PRDM14: variants seen among roughly 807,000 people sequenced by gnomAD.
The protein encoded by PRDM14 is PR/SET domain 14, also known as PR domain zinc finger protein 14.
In PRDM14, 16 loss-of-function variants were observed where a neutral mutation model predicts 48.0. The ratio of observed to expected loss-of-function variants is 0.33; its 90% CI spans 0.23 to 0.51. The LOEUF is 0.51. Among genes scored for constraint, PRDM14 ranks in the 20% least tolerant of loss-of-function variants. The probability of loss-of-function intolerance (pLI) is 0.97; values close to 1 mark genes in which losing one functional copy is unlikely to be tolerated. For synonymous variants in PRDM14, 264 were observed against 276.6 expected, an observed-to-expected ratio of 0.95 and a Z score of 0.45; for missense variants, 566 against 719.6, an observed-to-expected ratio of 0.79 and a Z score of 2.44.
rs202159047 is a variant in PRDM14, at chr8:70,058,808, C to T, written c.1218G>A (p.Gly406=). Residue 406 remains glycine (G), a synonymous_variant, in exon 6 of 8, where the codon GGG becomes GGA. Transcript: ENST00000276594. ...TGTAATATTTGTAGGTAAATACCTTCCCACATCTTTCACATCTGTAGCCTT... is the reference window on the plus strand; with the variant it reads ...TGTAATATTTGTAGGTAAATACCTTTCCACATCTTTCACATCTGTAGCCTT... ...SAEGYRCERC[G]KVFTYKYYRD... The T allele has an allele frequency of 1.7e-4, 279 of 1,614,128 alleles. No individual in the cohort carries two copies. The highest frequency in any genetic ancestry group is 1.5e-4 in the Non-Finnish European group (182 of 1,179,974).
At chr8:70,055,673 T>C (rs1297514066) in intron 6 of PRDM14, among the ~76,000 whole-genome samples, 4 of 152,204 alleles carry the variant, frequency 2.6e-5, no homozygotes, top group African/African-American at 9.6e-5. Context: ...GCCAGCTAAC[T>C]TAAAAAATTT....
chr8:70,051,770 T>TTTTGTTGTGTTTTG lies in PRDM14; in HGVS notation c.*306_*307insCAAAACACAACAAA. On this transcript the variant is annotated 3_prime_UTR_variant, in exon 8 of 8. Coordinates refer to ENST00000276594, the MANE Select transcript of PRDM14 (RefSeq NM_024504.4). Reference sequence around the variant, plus strand: ...CCACACTCTTGAGGGCTACTCATTTTTTTTGTTTTGTTTTGTTTTGAGACA... The same window carrying TTTTGTTGTGTTTTG: ...CCACACTCTTGAGGGCTACTCATTTTTTTGTTGTGTTTTGTTTTGTTTTGTTTTGTTTTGAGACA... The TTTTGTTGTGTTTTG allele has an allele frequency of 4.0e-6, 1 of 247,398 alleles. No individual in the cohort carries two copies. The allele number at this position is 247,398 out of a possible 1,614,324, so 15.3% of individuals were successfully genotyped here. A position where few individuals can be genotyped will look rare whatever the true frequency, so the allele number is the denominator to read the frequency against.
In PRDM14 at chr8:70,069,680, A is replaced by C. The variant is rs992179850; in HGVS notation, c.181T>G (p.Ser61Ala). ...AAGGGGGGCATGGCGGGGGCAGCAG[A>C]CGCTGCGGCCTCCAGCTGCCGGAAA... ...QPFRQLEAAA[S>A]AAPAMPPFPF... is the part of the protein sequence containing the mutation. The change falls in exon 2 of 8, where the codon TCT becomes GCT. Residue 61 changes from serine to alanine, a missense_variant. Transcript: ENST00000276594. 16 of 1,551,366 alleles carry C rather than the reference A, an allele frequency of 1.0e-5. No individual in the cohort carries two copies. Among genetic ancestry groups the C allele is most frequent in the African/African-American group, 6.8e-5 (5 of 73,380 alleles).
At position 70,068,352 on chromosome 8, in the gene PRDM14, G is replaced by C. The variant is rs761251088; in HGVS notation, c.790C>G (p.Pro264Ala). 1 of 1,614,222 alleles carries C rather than the reference G, an allele frequency of 6.2e-7. No homozygotes were observed. Among genetic ancestry groups the C allele is most frequent in the Non-Finnish European group, 8.5e-7 (1 of 1,180,046 alleles). Residue 264 changes from proline (P) to alanine (A), a missense_variant, in exon 4 of 8, where the codon CCA (proline) becomes GCA (alanine). Around this residue, in one of 3 missense-constraint regions of PRDM14, gnomAD observed 410 missense variants for 424.6 expected, o/e 0.97. Coordinates refer to ENST00000276594, the MANE Select transcript of PRDM14 (RefSeq NM_024504.4). ...CLMQTVFGEV[P>A]HFGVFCSSFI... ...CTACTGCAGAACACACCAAAATGTGGGACTTCACCAAACACCGTCTGCATG... is the reference window on the plus strand; with the variant it reads ...CTACTGCAGAACACACCAAAATGTGCGACTTCACCAAACACCGTCTGCATG...
chr8:70,056,841 T>A (rs1298002717), intron 6 of PRDM14, among the ~76,000 whole-genome samples: 2 of 143,506 alleles, frequency 1.4e-5, no homozygotes, highest in Non-Finnish European at 3.0e-5. Context: ...AAAAAAAGAT[T>A]GTTCCTCCAC....
At position 70,066,409 on chromosome 8, in the gene PRDM14, G is replaced by A. The variant is rs1175878140; in HGVS notation, c.1009C>T (p.Gln337Ter). ...TGACACTGCACAGCAACTAGGTTCTGCTCCTTGGGGAAGCGGGCACAGTTG... is the reference window on the plus strand; with the variant it reads ...TGACACTGCACAGCAACTAGGTTCTACTCCTTGGGGAAGCGGGCACAGTTG... ...YVNCARFPKE[Q>*]NLVAVQCQGH... is the part of the protein sequence containing the mutation. Residue 337 changes from glutamine to a stop codon, truncating the protein, a stop_gained, in exon 5 of 8, where the codon CAG becomes TAG. Coordinates refer to ENST00000276594, the MANE Select transcript of PRDM14 (RefSeq NM_024504.4). LOFTEE classifies it high-confidence loss of function. 1.2e-6 allele frequency: 2 copies of A among 1,614,142 alleles called. No homozygotes were observed.
chr8:70,067,295 C>T (rs752307597), intron 4 of PRDM14, among the ~76,000 whole-genome samples: 5 of 152,082 alleles, frequency 3.3e-5, no homozygotes, highest in Non-Finnish European at 5.9e-5. Context: ...CCAAAGCAGG[C>T]GGATCATGAG....
chr8:70,058,769 G>A lies in PRDM14; in HGVS notation c.1257C>T (p.Leu419=). The change falls in exon 6 of 8, where the codon CTC becomes CTT. Residue 419 remains leucine, a synonymous_variant. Transcript: ENST00000276594. Reference sequence around the variant, plus strand: ...CCTTGTCCACACAGGGGGTGTACTTGAGGTGCTTATCTCTGTAATATTTGT... The same window carrying A: ...CCTTGTCCACACAGGGGGTGTACTTAAGGTGCTTATCTCTGTAATATTTGT... ...FTYKYYRDKH[L]KYTPCVDKGD... 6.2e-7 allele frequency: 1 copy of A among 1,614,064 alleles called. No individual in the cohort carries two copies. Among genetic ancestry groups the A allele is most frequent in the Non-Finnish European group, 8.5e-7 (1 of 1,179,950 alleles).
rs558349698 is a variant in PRDM14, at chr8:70,057,322, A to T, written c.1386+1318T>A. Among the ~76,000 whole-genome samples the T allele has an allele frequency of 2.0e-5, 3 of 150,808 alleles. No homozygotes were observed. The East Asian group carries it at 5.9e-4, about 30-fold the overall frequency. On this transcript the variant is annotated intron_variant, in intron 6 of 7. Transcript: ENST00000276594. Reference sequence around the variant, plus strand: ...TTCTGTAATTTGGTTTTTGCTTGATAAGACAATATTTTTTTTTTTTTTTTG... The same window carrying T: ...TTCTGTAATTTGGTTTTTGCTTGATTAGACAATATTTTTTTTTTTTTTTTG...
chr8:70,068,636 G>T (rs1443650710), intron 2 of PRDM14, 104 bp from the exon 3 acceptor site: 1 of 918,388 alleles, frequency 1.1e-6, no homozygotes, highest in Non-Finnish European at 1.7e-6. Flanking sequence ...CATCATCCCA[G>T]TTTGATATTT....
chr8:70,069,545 G>C lies in PRDM14; in HGVS notation c.316C>G (p.His106Asp), dbSNP rs138700218. The C allele has an allele frequency of 4.2e-4, 681 of 1,608,642 alleles. 1 individual carries two copies. The highest frequency in any genetic ancestry group is 5.4e-4 in the Admixed American group (32 of 59,500). The change falls in exon 2 of 8, where the codon CAC (histidine) becomes GAC (aspartate). Residue 106 changes from histidine (H) to aspartate (D), a missense_variant. This residue lies in a region of PRDM14 where 410 missense variants were observed against 424.6 expected (regional missense o/e 0.97). Transcript: ENST00000276594. ...SKLPPWYPIPHVPREVPPFLS... is the reference protein window; with the variant it reads ...SKLPPWYPIPDVPREVPPFLS... Reference sequence around the variant, plus strand: ...AAGGGCGGCACTTCCCTGGGGACGTGGGGAATTGGGTACCACGGTGGCAGC... The same window carrying C: ...AAGGGCGGCACTTCCCTGGGGACGTCGGGAATTGGGTACCACGGTGGCAGC...
intron 5 of PRDM14, among the ~76,000 whole-genome samples, chr8:70,062,606 G>A (rs1805605520): frequency 6.6e-6 from 1 of 151,834 alleles, no homozygotes; most frequent in African/African-American, 2.4e-5. Flanking sequence ...TGAGATTACA[G>A]GCATCTGCCA....
intron 7 of PRDM14, among the ~76,000 whole-genome samples, chr8:70,054,422 A>C (rs370012491): frequency 6.6e-6 from 1 of 152,086 alleles, no homozygotes; most frequent in Admixed American, 6.6e-5. Context: ...ACAGGAGTTC[A>C]TGGACTTGCT....
intron 4 of PRDM14, among the ~76,000 whole-genome samples, chr8:70,066,826 A>T (rs549788101): frequency 1.3e-5 from 2 of 152,122 alleles, no homozygotes; most frequent in African/African-American, 2.4e-5. Flanking sequence ...CCTGGGCTCA[A>T]ATGATCCTCC....
rs1280596212 is a variant in PRDM14, at chr8:70,052,023, C to T, written c.*54G>A. ...TCCTGGACTTGAGTGATCCACCCAC[C>T]TCTGCCTCCCAAAGTGCTGGGATTA... On this transcript the variant is annotated 3_prime_UTR_variant, in exon 8 of 8. Transcript: ENST00000276594. 10 of 1,298,814 alleles carry T rather than the reference C, an allele frequency of 7.7e-6. No homozygotes were observed. The highest frequency in any genetic ancestry group is 1.5e-5 in the African/African-American group (1 of 68,486). The allele number at this position is 1,298,814 out of a possible 1,614,324, so 80.5% of individuals were successfully genotyped here. A position where few individuals can be genotyped will look rare whatever the true frequency, so the allele number is the denominator to read the frequency against.
chr8:70,055,485 G>C (rs996550258), intron 6 of PRDM14, 84 bp from the exon 7 acceptor site: 1 of 736,202 alleles, frequency 1.4e-6, no homozygotes, highest in East Asian at 2.7e-5. Flanking sequence ...TGGGGTTAGA[G>C]AAGAACTCTT....
intron 4 of PRDM14, among the ~76,000 whole-genome samples, chr8:70,066,867 A>C (rs774829417): frequency 4.6e-5 from 7 of 152,098 alleles, no homozygotes; most frequent in Non-Finnish European, 5.9e-5. Context: ...CTGGAACTAA[A>C]GGCATGCACC....
intron 5 of PRDM14, among the ~76,000 whole-genome samples, chr8:70,059,498 T>C (rs1047265855): frequency 1.3e-5 from 2 of 151,502 alleles, no homozygotes; most frequent in Non-Finnish European, 2.9e-5. Context: ...TCTTGATCTC[T>C]TGATCTTGTG....
chr8:70,064,523 CTTTTTTTTT>C (rs1170368852), intron 5 of PRDM14, among the ~76,000 whole-genome samples: 1 of 136,174 alleles, frequency 7.3e-6, no homozygotes, highest in African/African-American at 2.7e-5. Flanking sequence ...ATGCAATTTA[CTTTTTTTTT>C]TTTTTTTTTT....
Sources: allele counts gnomAD v4.1 joint callset (sites outside exome capture counted in the v4.1 genomes callset), GRCh38; gene constraint gnomAD v4.1.1; regional missense constraint gnomAD v4.1.1; transcripts MANE v1.5; gene names NCBI Gene and HGNC (gene_info 2026-07-23, HGNC 2026-07-21).